Variants in TTLL4 observed in about 807,000 individuals in gnomAD.
TTLL4 encodes the protein tubulin monoglutamylase TTLL4.
A neutral mutation model predicts 122.7 loss-of-function variants in TTLL4; 85 were observed. The ratio of observed to expected loss-of-function variants is 0.69; its 90% CI spans 0.58 to 0.83. The LOEUF is 0.83. Ranked by LOEUF, TTLL4 falls within the 40% of genes least tolerant of loss-of-function variation. The probability of loss-of-function intolerance (pLI) is 0.00; values close to 1 mark genes in which losing one functional copy is unlikely to be tolerated. For synonymous variants in TTLL4, 553 were observed against 563.0 expected (o/e 0.98, Z 0.25); for missense variants, 1,363 against 1,488.6 (o/e 0.92, Z 1.39).
intron 18 of TTLL4, 142 bp from the exon 19 acceptor site, chr2:218,753,442 C>A: frequency 1.1e-6 from 1 of 912,414 alleles, no homozygotes; most frequent in Non-Finnish European, 1.7e-6. Context: ...GACTTTTACC[C>A]ACCTGGGCCC....
At chr2:218,715,502 C>T (rs921757074) in intron 1 of TTLL4, among the ~76,000 whole-genome samples, 7 of 152,184 alleles carry the variant, frequency 4.6e-5, no homozygotes, top group Admixed American at 4.6e-4. Context: ...GCCTATTGCT[C>T]CTAGGCTGCA....
intron 2 of TTLL4, among the ~76,000 whole-genome samples, chr2:218,732,024 CA>C (rs911930432): frequency 5.9e-5 from 9 of 152,160 alleles, no homozygotes; most frequent in Admixed American, 5.9e-4. Flanking sequence ...TTAGATTATT[CA>C]AAATATCATT....
downstream of TTLL4, among the ~76,000 whole-genome samples, chr2:218,759,199 C>G (rs375559688): frequency 1.3e-5 from 2 of 151,986 alleles, no homozygotes; most frequent in African/African-American, 4.8e-5. Context: ...GAGCCGAGAT[C>G]GCCCCATTGC....
chr2:218,746,162 T>G lies in TTLL4; in HGVS notation c.1905T>G (p.Asp635Glu). The change falls in exon 8 of 20, where the codon GAT becomes GAG. Residue 635 changes from aspartate to glutamate, a missense_variant. Physicochemically the swap from Asp to Glu is conservative, Grantham distance 45. Around this residue, in one of 3 missense-constraint regions of TTLL4, gnomAD observed 760 missense variants for 808.4 expected, o/e 0.94. Coordinates refer to ENST00000392102, the MANE Select transcript of TTLL4 (RefSeq NM_014640.5). ...CTGATGTACCTCCCATAGGAAACGATGACTGGCTGGGCTGCTGGGGTCACC... is the reference window on the plus strand; with the variant it reads ...CTGATGTACCTCCCATAGGAAACGAGGACTGGCTGGGCTGCTGGGGTCACC... ...RSHFKISKRN[D>E]DWLGCWGHHM... 1 of 1,614,210 alleles carries G rather than the reference T, an allele frequency of 6.2e-7. No homozygotes were observed. The highest frequency in any genetic ancestry group is 1.1e-5 in the South Asian group (1 of 91,090).
chr2:218,739,909 CAAAAG>C, intron 3 of TTLL4, 144 bp from the exon 4 acceptor site: 1 of 677,978 alleles, frequency 1.5e-6, no homozygotes, highest in South Asian at 1.9e-5. Context: ...GCTTTGAAGA[CAAAAG>C]AAATGAGTTG....
At chr2:218,725,807 C>T (rs1342814635) in intron 1 of TTLL4, among the ~76,000 whole-genome samples, 1 of 152,160 alleles carries the variant, frequency 6.6e-6, no homozygotes, top group Non-Finnish European at 1.5e-5. Context: ...CTGCCCGCCT[C>T]AGCCTCCCAA....
rs1304136958 is a variant in TTLL4, at chr2:218,754,321, A to T, written c.3532A>T (p.Thr1178Ser). The T allele has an allele frequency of 6.2e-7, 1 of 1,614,034 alleles. No homozygotes were observed. Among genetic ancestry groups the T allele is most frequent in the East Asian group, 2.2e-5 (1 of 44,888 alleles). Residue 1178 changes from threonine to serine, a missense_variant, in exon 20 of 20, where the codon ACT (threonine) becomes TCT (serine). Coordinates refer to ENST00000392102, the MANE Select transcript of TTLL4 (RefSeq NM_014640.5). Reference sequence around the variant, plus strand: ...ACCTGTGATCAAGTGCTCTGGGCAGACTTCAAGACTTTCTGCTTCCTCCAC... The same window carrying T: ...ACCTGTGATCAAGTGCTCTGGGCAGTCTTCAAGACTTTCTGCTTCCTCCAC... The part of the protein sequence containing the change: ...TLPVIKCSGQ[T>S]SRLSASSTFQ...
At position 218,753,623 on chromosome 2, in the gene TTLL4, G is replaced by A; in HGVS notation, c.3298G>A (p.Asp1100Asn). Residue 1100 changes from aspartate (D) to asparagine (N), a missense_variant, in exon 19 of 20, where the codon GAC becomes AAC. By Grantham distance (23) the Asp-to-Asn change is conservative. This residue lies in a region of TTLL4 where 596 missense variants were observed against 655.8 expected (regional missense o/e 0.91). Transcript: ENST00000392102. The part of the protein sequence containing the change: ...PTSLLTISKD[D>N]VILNAFSKSE... ...ATCACTTCTGACTATCTCAAAGGAT[G>A]ACGTGATACTCAATGCCTTCAGCAA... The A allele has an allele frequency of 6.2e-7, 1 of 1,614,222 alleles. No homozygotes were observed. Among genetic ancestry groups the A allele is most frequent in the Middle Eastern group, 1.6e-4 (1 of 6,062 alleles).
rs749792792 is a variant in TTLL4 at position 218,754,162 on chromosome 2, C to T, written c.3373C>T (p.Leu1125=). The T allele has an allele frequency of 3.7e-6, 6 of 1,614,166 alleles. No individual in the cohort carries two copies. Among genetic ancestry groups the T allele is most frequent in the Middle Eastern group, 1.6e-4 (1 of 6,062 alleles). ...GKQSSCEVSL[L]LSEDGTTPKS... ...ACAAAGCTCCTGTGAGGTTAGCCTA[C>T]TACTCTCTGAAGACGGGACCACGCC... Residue 1125 remains leucine (L), a synonymous_variant, in exon 20 of 20, where the codon CTA becomes TTA. Transcript: ENST00000392102.
At chr2:218,746,710 C>T in intron 8 of TTLL4, 1 of 437,624 alleles carries the variant, frequency 2.3e-6, no homozygotes, top group Non-Finnish European at 4.1e-6. Flanking sequence ...AGGCGAAATG[C>T]TTTTCTGTCC....
At chr2:218,726,818 T>G (rs1490819410) in intron 1 of TTLL4, among the ~76,000 whole-genome samples, 1 of 151,108 alleles carries the variant, frequency 6.6e-6, no homozygotes, top group Non-Finnish European at 1.5e-5. Context: ...CTTTCTTTTT[T>G]TTTTGAGATG....
At chr2:218,724,599 G>A (rs1575162056) in intron 1 of TTLL4, among the ~76,000 whole-genome samples, 1 of 152,114 alleles carries the variant, frequency 6.6e-6, no homozygotes, top group Non-Finnish European at 1.5e-5. Context: ...TGCAAATGAT[G>A]GGAGTTCATT....
Position 218,738,945 on chromosome 2 carries a change from C to T in TTLL4, c.1269C>T (p.Leu423=), listed in dbSNP as rs138407986. ...VFCTKRISIH[L]LASHASGLNH... ...GTACCAAGCGTATCAGCATTCACCT[C>T]CTTGCCTCACATGCCAGTGGGCTCA... The change falls in exon 3 of 20, where the codon CTC becomes CTT. Residue 423 remains leucine (L), a synonymous_variant. Coordinates refer to ENST00000392102, the MANE Select transcript of TTLL4 (RefSeq NM_014640.5). The T allele has an allele frequency of 6.2e-7, 1 of 1,614,250 alleles. No individual in the cohort carries two copies. Among genetic ancestry groups the T allele is most frequent in the African/African-American group, 1.3e-5 (1 of 75,054 alleles).
chr2:218,723,662 G>A (rs1300609600), intron 1 of TTLL4, among the ~76,000 whole-genome samples: 1 of 152,106 alleles, frequency 6.6e-6, no homozygotes, highest in Admixed American at 6.6e-5. Context: ...ATTAGTAATA[G>A]TACAAATTGA....
At chr2:218,722,408 G>T (rs1234275283) in intron 1 of TTLL4, among the ~76,000 whole-genome samples, 1 of 150,704 alleles carries the variant, frequency 6.6e-6, no homozygotes, top group Non-Finnish European at 1.5e-5. Flanking sequence ...AATAATTTTA[G>T]ATAGTGGAGG....
downstream of TTLL4, among the ~76,000 whole-genome samples, chr2:218,759,539 C>T (rs1224483485): frequency 1.3e-5 from 2 of 152,196 alleles, no homozygotes; most frequent in African/African-American, 4.8e-5. Context: ...GAAAGCAGAA[C>T]AGTGCTTGCC....
intron 2 of TTLL4, among the ~76,000 whole-genome samples, chr2:218,735,996 A>T: frequency 9.3e-6 from 1 of 107,190 alleles, no homozygotes; most frequent in Non-Finnish European, 1.7e-5. Context: ...TTTTTGTGAG[A>T]CAGGGTCTCA....
chr2:218,718,390 T>A (rs77245088), intron 1 of TTLL4, among the ~76,000 whole-genome samples: 1 of 152,002 alleles, frequency 6.6e-6, no homozygotes. Context: ...TTTTTTTTTT[T>A]CTTTTGAGAC....
chr2:218,730,924 T>C (rs929938861), intron 2 of TTLL4, among the ~76,000 whole-genome samples: 1 of 151,958 alleles, frequency 6.6e-6, no homozygotes, highest in African/African-American at 2.4e-5. Context: ...GGCAACATAG[T>C]GGAACTCTAT....
Sources: gnomAD v4.1 joint callset for allele counts (sites outside exome capture counted in the v4.1 genomes callset) on GRCh38, gnomAD v4.1.1 for gene constraint, gnomAD v4.1.1 regional missense constraint, MANE v1.5 for transcripts, NCBI Gene and HGNC (gene_info 2026-07-23, HGNC 2026-07-21) for gene names.